The following MYH10 variants were observed in gnomAD, a reference collection of about 807,000 sequenced individuals.
The protein encoded by MYH10 is myosin-10.
Under a neutral mutation model 257.8 loss-of-function variants are expected in MYH10, and 55 were observed. That is an observed-to-expected ratio of 0.21 (90% CI 0.17 to 0.27). MYH10 has a LOEUF of 0.27. Among genes scored for constraint, MYH10 ranks in the 10% least tolerant of loss-of-function variants. The pLI is 1.00. For missense variants in MYH10, 1,631 were observed against 2,500.6 expected, an observed-to-expected ratio of 0.65 and a Z score of 7.42; for synonymous variants, 854 against 921.7, an observed-to-expected ratio of 0.93 and a Z score of 1.33.
chr17:8,562,648 C>CA (rs2083036202), intron 7 of MYH10, among the ~76,000 whole-genome samples: 1 of 152,194 alleles, frequency 6.6e-6, no homozygotes, highest in South Asian at 2.1e-4. Flanking sequence ...CAAAACGTGA[C>CA]AAGTACCTTG....
intron 24 of MYH10, chr17:8,511,035 T>TACATAC (rs879260150): frequency 3.9e-5 from 2 of 51,778 alleles, no homozygotes; most frequent in South Asian, 5.8e-4. Context: ...TATATATATA[T>TACATAC]ATATATATAT....
At chr17:8,628,597 C>T (rs964601624) in intron 1 of MYH10, among the ~76,000 whole-genome samples, 3 of 152,162 alleles carry the variant, frequency 2.0e-5, no homozygotes, top group African/African-American at 4.8e-5. Context: ...CAGGGCTGGA[C>T]GAGTCTGCTA....
At chr17:8,520,720 AG>A (rs2081625193) in intron 19 of MYH10, among the ~76,000 whole-genome samples, 157 bp downstream of exon 19, 1 of 152,212 alleles carries the variant, frequency 6.6e-6, no homozygotes, top group South Asian at 2.1e-4. Context: ...CAAGGTAGTA[AG>A]GATTGTCCCT....
At chr17:8,537,357 G>C (rs949508740) in intron 14 of MYH10, among the ~76,000 whole-genome samples, 2 of 152,190 alleles carry the variant, frequency 1.3e-5, no homozygotes, top group African/African-American at 4.8e-5. Flanking sequence ...AGTAGCTAGA[G>C]GCTATGGTTA....
Position 8,477,079 on chromosome 17 carries a change from C to T in MYH10, c.5707-31G>A, listed in dbSNP as rs1463214356. ...GGAGGGTACATGAACCAAAACAAAC[C>T]AAACTGGTGAATCCAGTGTCGGCCT... is the stretch of plus-strand genomic sequence containing the variant. On this transcript the variant is annotated intron_variant, in intron 41 of 42. Coordinates refer to ENST00000360416, the MANE Select transcript of MYH10 (RefSeq NM_001256012.3). The surrounding 1 kb of genome is among the most constrained non-coding windows in gnomAD (Gnocchi z 4.2). The T allele has an allele frequency of 6.2e-7, 1 of 1,611,850 alleles. No homozygotes were observed. The highest frequency in any genetic ancestry group is 1.1e-5 in the South Asian group (1 of 91,014).
At chr17:8,480,998 C>G (rs1005892447) in intron 38 of MYH10, among the ~76,000 whole-genome samples, 6 of 3,030 alleles carry the variant, frequency 2.0e-3, no homozygotes, top group African/African-American at 3.6e-3. Flanking sequence ...GAGAAAGGTC[C>G]TATCTGAGGA....
At chr17:8,593,391 TAGAC>T (rs2084243799) in intron 3 of MYH10, among the ~76,000 whole-genome samples, 1 of 150,536 alleles carries the variant, frequency 6.6e-6, no homozygotes, top group African/African-American at 2.4e-5. Flanking sequence ...GCAGAGGACA[TAGAC>T]AGAAAATCCC....
intron 35 of MYH10, among the ~76,000 whole-genome samples, chr17:8,489,745 A>ACACACCCC (rs1258993754): frequency 1.3e-5 from 2 of 150,798 alleles, no homozygotes; most frequent in African/African-American, 4.9e-5. Flanking sequence ...ACACACACAC[A>ACACACCCC]CCCCAAATCC....
At chr17:8,498,783 G>A (rs1252108764) in intron 30 of MYH10, among the ~76,000 whole-genome samples, 1 of 152,100 alleles carries the variant, frequency 6.6e-6, no homozygotes, top group Non-Finnish European at 1.5e-5. Flanking sequence ...GGGAGACAGA[G>A]GGTGCAGTGA....
intron 7 of MYH10, among the ~76,000 whole-genome samples, chr17:8,568,155 C>T (rs79589418): frequency 2.0e-5 from 3 of 152,264 alleles, no homozygotes; most frequent in Admixed American, 6.5e-5. Context: ...CACCAACTCT[C>T]GTCTCTCGTG....
chr17:8,496,553 C>T (rs1916663721), intron 30 of MYH10, among the ~76,000 whole-genome samples: 1 of 152,142 alleles, frequency 6.6e-6, no homozygotes, highest in African/African-American at 2.4e-5. Context: ...ACATGGGAGC[C>T]TAGCACATGC....
At chr17:8,582,354 C>A (rs899714516) in intron 4 of MYH10, among the ~76,000 whole-genome samples, 4 of 152,102 alleles carry the variant, frequency 2.6e-5, no homozygotes, top group African/African-American at 9.7e-5. Context: ...AGAGTGAGGG[C>A]AAAGGGAATC....
intron 6 of MYH10, among the ~76,000 whole-genome samples, chr17:8,571,173 G>GTTTT (rs10657223): frequency 0.96 from 141,482 of 146,918 alleles, 68,376 homozygotes; most frequent in Non-Finnish European, 1. Flanking sequence ...TTCCTGTAAA[G>GTTTT]TTTTTGTTTT....
intron 37 of MYH10, among the ~76,000 whole-genome samples, chr17:8,483,730 A>G (rs1209715450): frequency 6.6e-6 from 1 of 152,248 alleles, no homozygotes; most frequent in Non-Finnish European, 1.5e-5. Context: ...CAATGAAACA[A>G]ACTTCTCTCC....
chr17:8,570,422 TTA>T (rs1274552175), intron 6 of MYH10, among the ~76,000 whole-genome samples: 1 of 152,188 alleles, frequency 6.6e-6, no homozygotes. Context: ...GTGTCTTTAC[TTA>T]TATGTAAATT....
At chr17:8,554,735 A>G (rs555863682) in intron 7 of MYH10, among the ~76,000 whole-genome samples, 1 of 152,318 alleles carries the variant, frequency 6.6e-6, no homozygotes, top group African/African-American at 2.4e-5. Flanking sequence ...GGACCTCCTG[A>G]GGTCAGGAGT....
At chr17:8,591,033 C>T (rs1367772396) in intron 3 of MYH10, among the ~76,000 whole-genome samples, 7 of 151,892 alleles carry the variant, frequency 4.6e-5, no homozygotes, top group East Asian at 1.9e-4. Flanking sequence ...CCACCACGCC[C>T]GGCTAATTTT....
chr17:8,545,287 G>C lies in MYH10; in HGVS notation c.1431+161C>G, dbSNP rs1011327677. Among the ~76,000 whole-genome samples, 1 of 152,190 alleles carries C rather than the reference G, an allele frequency of 6.6e-6. No homozygotes were observed. The highest frequency in any genetic ancestry group is 1.5e-5 in the Non-Finnish European group (1 of 68,042). The stretch of plus-strand genomic sequence containing the variant: ...CCTTTCAGTGCATTCTCACAGACCT[G>C]CGGATTCACTGATTATTTGCCATTT... On this transcript the variant is annotated intron_variant, in intron 13 of 42. Coordinates refer to ENST00000360416, the MANE Select transcript of MYH10 (RefSeq NM_001256012.3). This position sits in a 1 kb window ranked among gnomAD's most constrained non-coding sequence, Gnocchi z 4.7.
chr17:8,575,391 T>C (rs566118103), intron 6 of MYH10, among the ~76,000 whole-genome samples: 12 of 152,346 alleles, frequency 7.9e-5, no homozygotes, highest in Admixed American at 2.6e-4. Flanking sequence ...CTCTAAAGCA[T>C]AAAGAAAAAC....
Sources: allele counts gnomAD v4.1 joint callset (sites outside exome capture counted in the v4.1 genomes callset), GRCh38; gene constraint gnomAD v4.1.1; non-coding constraint Gnocchi (gnomAD v3.1); transcripts MANE v1.5; gene names NCBI Gene and HGNC (gene_info 2026-07-23, HGNC 2026-07-21).